VPS13B: variants seen among roughly 807,000 people sequenced by gnomAD.
The protein encoded by VPS13B is vacuolar protein sorting 13 homolog B.
A neutral mutation model predicts 426.4 loss-of-function variants in VPS13B; 285 were observed. That is an observed-to-expected ratio of 0.67 (90% CI 0.61 to 0.74). The LOEUF is 0.74. VPS13B is among the 30% of genes least tolerant of loss of function. VPS13B has a pLI of 0.00. For synonymous variants in VPS13B, 1,676 were observed against 1,676.4 expected (o/e 1.00, Z 0.01); for missense variants, 4,537 against 4,782.6 (o/e 0.95, Z 1.51).
chr8:99,676,777 A>G (rs994934536), intron 35 of VPS13B, among the ~76,000 whole-genome samples: 19 of 151,986 alleles, frequency 1.3e-4, no homozygotes, highest in Non-Finnish European at 2.6e-4. Context: ...ATCTTGCTCC[A>G]CCCTCATAAT....
intron 19 of VPS13B, among the ~76,000 whole-genome samples, chr8:99,376,810 A>T (rs1033307500): frequency 2.0e-5 from 3 of 152,066 alleles, no homozygotes; most frequent in Admixed American, 6.5e-5. Flanking sequence ...AGGTTTTGAA[A>T]TTTTTTCATC....
At chr8:99,416,100 A>G (rs1266345615) in intron 21 of VPS13B, among the ~76,000 whole-genome samples, 2 of 152,306 alleles carry the variant, frequency 1.3e-5, no homozygotes, top group African/African-American at 4.8e-5. Flanking sequence ...CCTTTCTTTC[A>G]GAGATGCTCT....
chr8:99,818,910 A>G (rs1386478693), intron 47 of VPS13B, 22 bp downstream of exon 47: 1 of 1,599,880 alleles, frequency 6.3e-7, no homozygotes, highest in South Asian at 1.1e-5. Flanking sequence ...ATCCTTCCAT[A>G]CATTTTACAT....
chr8:99,676,939 G>A (rs971762690), intron 35 of VPS13B, among the ~76,000 whole-genome samples: 3 of 152,048 alleles, frequency 2.0e-5, no homozygotes, highest in Non-Finnish European at 4.4e-5. Context: ...AGACCAGCCT[G>A]GCCAACATGG....
At position 99,387,951 on chromosome 8, in the gene VPS13B, G is replaced by A. The variant is rs149234880; in HGVS notation, c.2935-3606G>A. 1.8e-3 allele frequency among the ~76,000 whole-genome samples: 267 copies of A among 152,288 alleles called. 1 individual carries two copies. Among genetic ancestry groups the A allele is most frequent in the African/African-American group, 6.3e-3 (261 of 41,554 alleles). On this transcript the variant is annotated intron_variant, in intron 20 of 61. Coordinates refer to ENST00000357162, the MANE Select transcript of VPS13B (RefSeq NM_152564.5). ...AAAGTAAGGAATACTGTGTAAGCCT[G>A]CTGTTGTGTAATCATTACAATAATG...
rs1388046718 is a variant in VPS13B at position 99,430,702 on chromosome 8, A to ACG, written c.3083-834_3083-833insGC. ...CCTCTTTTGGTTATCATCAAAATCC[A>ACG]CCCCCCCCCCAACTTTTTTTTTGTT... On this transcript the variant is annotated intron_variant, in intron 21 of 61. Transcript: ENST00000357162. Among the ~76,000 whole-genome samples, 4 of 124,960 alleles carry ACG rather than the reference A, an allele frequency of 3.2e-5. No individual in the cohort carries two copies. In the East Asian group the frequency reaches 7.2e-4, roughly 22 times the overall value. 82.0% of individuals were successfully genotyped at this position (124,960 alleles called of 152,430 possible).
At chr8:99,872,153 C>T (rs1055575622) in intron 61 of VPS13B, among the ~76,000 whole-genome samples, 2 of 152,116 alleles carry the variant, frequency 1.3e-5, no homozygotes, top group Non-Finnish European at 2.9e-5. Context: ...TCCTTGGCTG[C>T]CTGAGGCCTG....
At position 99,287,400 on chromosome 8, in the gene VPS13B, G is replaced by A. The variant is rs556030005; in HGVS notation, c.2824+12146G>A. ...TATCTACACACATGAGAGTTTCCAA[G>A]CCTCACCAAAGTAACATTCTGTTGA... is the stretch of plus-strand genomic sequence containing the variant. On this transcript the variant is annotated intron_variant, in intron 19 of 61. Coordinates refer to ENST00000357162, the MANE Select transcript of VPS13B (RefSeq NM_152564.5). Among the ~76,000 whole-genome samples the A allele has an allele frequency of 1.3e-5, 2 of 151,998 alleles. 1 individual carries two copies. Among genetic ancestry groups the A allele is most frequent in the South Asian group, 4.2e-4 (2 of 4,814 alleles).
At chr8:99,466,209 A>G (rs1819104972) in intron 23 of VPS13B, among the ~76,000 whole-genome samples, 1 of 152,114 alleles carries the variant, frequency 6.6e-6, no homozygotes, top group Non-Finnish European at 1.5e-5. Context: ...CTAAGTGTTA[A>G]TATTATTTAT....
intron 19 of VPS13B, among the ~76,000 whole-genome samples, chr8:99,285,216 A>T (rs976876633): frequency 6.6e-6 from 1 of 152,146 alleles, no homozygotes; most frequent in South Asian, 2.1e-4. Flanking sequence ...TGTACCCTGG[A>T]CGCTATGATG....
chr8:99,128,722 T>C (rs992967674), intron 8 of VPS13B, among the ~76,000 whole-genome samples: 1 of 152,108 alleles, frequency 6.6e-6, no homozygotes, highest in African/African-American at 2.4e-5. Context: ...TGTTACATTG[T>C]GGGGTTGCAG....
intron 19 of VPS13B, among the ~76,000 whole-genome samples, chr8:99,320,306 A>T (rs1236627407): frequency 6.6e-6 from 1 of 152,170 alleles, no homozygotes; most frequent in African/African-American, 2.4e-5. Context: ...CAGGATGGAT[A>T]GTGGGGGCTA....
chr8:99,832,270 AAG>A, intron 51 of VPS13B, 97 bp from the exon 52 acceptor site: 2 of 1,410,688 alleles, frequency 1.4e-6, no homozygotes, highest in Non-Finnish European at 1.9e-6. Context: ...AAAAAAAAAA[AAG>A]AAAAGAAAAG....
intron 3 of VPS13B, among the ~76,000 whole-genome samples, chr8:99,044,032 CT>C (rs1843086975): frequency 6.7e-6 from 1 of 148,948 alleles, no homozygotes; most frequent in South Asian, 2.1e-4. Flanking sequence ...CCCTCTCTAG[CT>C]TCTTTTCTTT....
chr8:99,183,199 GTTTTC>G (rs998866087), intron 16 of VPS13B, among the ~76,000 whole-genome samples: 3 of 152,060 alleles, frequency 2.0e-5, no homozygotes, highest in Non-Finnish European at 4.4e-5. Context: ...TATTGTTGCC[GTTTTC>G]TTCTTATTTA....
chr8:99,655,775 A>G (rs1214814845), intron 34 of VPS13B, among the ~76,000 whole-genome samples: 1 of 152,220 alleles, frequency 6.6e-6, no homozygotes, highest in Non-Finnish European at 1.5e-5. Context: ...ATTCAATTTC[A>G]GAGTTTCATT....
At chr8:99,127,228 A>G (rs1848224113) in intron 8 of VPS13B, among the ~76,000 whole-genome samples, 1 of 150,174 alleles carries the variant, frequency 6.7e-6, no homozygotes, top group African/African-American at 2.4e-5. Context: ...TTGGTCTTTG[A>G]CCCTCTCTTC....
chr8:99,396,723 C>G (rs1395381602), intron 21 of VPS13B, among the ~76,000 whole-genome samples: 3 of 152,062 alleles, frequency 2.0e-5, no homozygotes, highest in African/African-American at 7.2e-5. Context: ...ATAGATACTA[C>G]TGGGAAGCAC....
chr8:99,593,217 G>GA (rs879009039), intron 33 of VPS13B, among the ~76,000 whole-genome samples: 3 of 151,092 alleles, frequency 2.0e-5, no homozygotes, highest in East Asian at 3.9e-4. Flanking sequence ...AAATTTACAA[G>GA]AAAAAAAACA....
Sources: gnomAD v4.1 joint callset for allele counts (sites outside exome capture counted in the v4.1 genomes callset) on GRCh38, gnomAD v4.1.1 for gene constraint, MANE v1.5 for transcripts, NCBI Gene and HGNC (gene_info 2026-07-23, HGNC 2026-07-21) for gene names.